CSMD1: variants seen among roughly 807,000 people sequenced by gnomAD.
CSMD1 encodes the protein CUB and sushi domain-containing protein 1.
In CSMD1, 213 loss-of-function variants were observed where a neutral mutation model predicts 417.5. The observed-to-expected ratio is 0.51, with a 90% CI of 0.46 to 0.57. The LOEUF is 0.57. Ranked by LOEUF, CSMD1 falls within the 20% of genes least tolerant of loss-of-function variation. CSMD1 has a pLI of 0.00. For missense variants in CSMD1, 6,923 were observed against 4,529.7 expected, an observed-to-expected ratio of 1.53 and a Z score of -15.17; for synonymous variants, 2,862 against 1,736.8, an observed-to-expected ratio of 1.65 and a Z score of -16.11.
intron 1 of CSMD1, among the ~76,000 whole-genome samples, chr8:4,740,637 A>G (rs1810542543): frequency 6.6e-6 from 1 of 152,208 alleles, no homozygotes; most frequent in South Asian, 2.1e-4. Flanking sequence ...ATCTACGAGG[A>G]GTATGTGCAG....
chr8:2,957,724 T>C lies in CSMD1; in HGVS notation c.9786A>G (p.Thr3262=), dbSNP rs1194067707. Residue 3262 remains threonine (T), a synonymous_variant, in exon 63 of 70, where the codon ACA becomes ACG. Coordinates refer to ENST00000635120, the MANE Select transcript of CSMD1 (RefSeq NM_033225.6). ...STTRTCLANL[T]WSGIQTECIP... is the part of the protein sequence containing the mutation. ...TACATTCGGTCTGTATCCCACTCCA[T>C]GTTAAATTGGCAAGGCAGGTGCGAG... The C allele has an allele frequency of 1.9e-6, 3 of 1,596,688 alleles. No individual in the cohort carries two copies. Among genetic ancestry groups the C allele is most frequent in the African/African-American group, 1.3e-5 (1 of 74,744 alleles).
intron 1 of CSMD1, among the ~76,000 whole-genome samples, chr8:4,888,736 C>A (rs78156138): frequency 3.3e-5 from 5 of 151,968 alleles, no homozygotes; most frequent in African/African-American, 1.2e-4. Flanking sequence ...CAGGCCAAGC[C>A]TGGGATATGT....
intron 38 of CSMD1, among the ~76,000 whole-genome samples, chr8:3,158,589 A>G (rs1189857131): frequency 1.3e-5 from 2 of 152,130 alleles, no homozygotes; most frequent in East Asian, 3.9e-4. Flanking sequence ...CTGTAAATAC[A>G]TGAATTTTCC....
chr8:3,944,706 C>T (rs574078363), intron 5 of CSMD1, among the ~76,000 whole-genome samples: 2 of 152,272 alleles, frequency 1.3e-5, no homozygotes, highest in South Asian at 2.1e-4. Context: ...TGCCTCAGGA[C>T]ATTTGTCTCT....
intron 4 of CSMD1, among the ~76,000 whole-genome samples, chr8:4,010,676 C>T (rs1296166239): frequency 6.6e-6 from 1 of 152,138 alleles, no homozygotes; most frequent in Non-Finnish European, 1.5e-5. Context: ...CTAGAGTTCC[C>T]TGACTCTGCC....
chr8:3,437,907 C>G (rs1238271928), intron 12 of CSMD1, among the ~76,000 whole-genome samples: 1 of 152,094 alleles, frequency 6.6e-6, no homozygotes, highest in Non-Finnish European at 1.5e-5. Context: ...GTCACCAGGC[C>G]TGGCTAATTC....
chr8:3,471,351 G>C (rs1269830994), intron 11 of CSMD1, among the ~76,000 whole-genome samples: 1 of 152,124 alleles, frequency 6.6e-6, no homozygotes, highest in Non-Finnish European at 1.5e-5. Flanking sequence ...ACAGATACCA[G>C]TCCTTGTCAG....
chr8:4,101,270 T>C (rs1353662246), intron 3 of CSMD1, among the ~76,000 whole-genome samples: 2 of 152,212 alleles, frequency 1.3e-5, no homozygotes, highest in East Asian at 3.9e-4. Flanking sequence ...TTGCAACACT[T>C]TGGTGTTCTT....
At chr8:2,938,809 T>A in intron 69 of CSMD1, 65 bp from the exon 70 acceptor site, 1 of 1,437,668 alleles carries the variant, frequency 7.0e-7, no homozygotes, top group South Asian at 1.3e-5. Context: ...CAGCTGGGAC[T>A]GTGTGCAGGA....
intron 12 of CSMD1, among the ~76,000 whole-genome samples, chr8:3,453,820 T>C (rs146520343): frequency 0.023 from 3,500 of 152,314 alleles, 239 homozygotes; most frequent in East Asian, 0.2. Context: ...TGTAGATGTC[T>C]ATTAGATCTG....
At chr8:4,591,328 C>T (rs1241546870) in intron 2 of CSMD1, among the ~76,000 whole-genome samples, 1 of 152,142 alleles carries the variant, frequency 6.6e-6, no homozygotes, top group Non-Finnish European at 1.5e-5. Context: ...TCTTTCTGGT[C>T]TAGGTCAGAC....
chr8:3,803,550 AG>A (rs1349296679), intron 5 of CSMD1, among the ~76,000 whole-genome samples: 1 of 152,184 alleles, frequency 6.6e-6, no homozygotes, highest in African/African-American at 2.4e-5. Context: ...GGTACGCAGG[AG>A]CCCACAGGTG....
chr8:4,256,018 A>C (rs1297425084), intron 3 of CSMD1, among the ~76,000 whole-genome samples: 1 of 152,200 alleles, frequency 6.6e-6, no homozygotes, highest in African/African-American at 2.4e-5. Context: ...TCATAAATAC[A>C]GCATGGAAAG....
At chr8:2,959,473 G>A (rs543753590) in intron 62 of CSMD1, among the ~76,000 whole-genome samples, 14 of 152,192 alleles carry the variant, frequency 9.2e-5, no homozygotes, top group Non-Finnish European at 2.1e-4. Context: ...CAGACCTCCT[G>A]GTAAACATGC....
intron 5 of CSMD1, among the ~76,000 whole-genome samples, chr8:3,974,943 C>A (rs1474319): frequency 0.2 from 29,862 of 151,968 alleles, 3,112 homozygotes; most frequent in Admixed American, 0.3. Flanking sequence ...TCGAACAAAT[C>A]AAAACTAACA....
At chr8:3,075,948 C>T (rs13281224) in intron 49 of CSMD1, among the ~76,000 whole-genome samples, 2 of 150,004 alleles carry the variant, frequency 1.3e-5, no homozygotes. Flanking sequence ...CTCCTAGGGA[C>T]GCTGAGGCAG....
chr8:3,497,733 T>C (rs1405123149), intron 10 of CSMD1, among the ~76,000 whole-genome samples: 1 of 152,236 alleles, frequency 6.6e-6, no homozygotes, highest in African/African-American at 2.4e-5. Context: ...TAGATATTGC[T>C]TTTTAAATTA....
At chr8:3,813,811 C>A (rs1460258918) in intron 5 of CSMD1, among the ~76,000 whole-genome samples, 3 of 151,866 alleles carry the variant, frequency 2.0e-5, no homozygotes, top group African/African-American at 4.9e-5. Context: ...TACTGAAAAA[C>A]TTAAAGTATG....
At chr8:4,586,411 C>A (rs1481697302) in intron 2 of CSMD1, among the ~76,000 whole-genome samples, 2 of 152,132 alleles carry the variant, frequency 1.3e-5, no homozygotes, top group Non-Finnish European at 2.9e-5. Flanking sequence ...CAGACCAAAC[C>A]TGTTACAGAC....
Sources: gnomAD v4.1 joint callset for allele counts (sites outside exome capture counted in the v4.1 genomes callset) on GRCh38, gnomAD v4.1.1 for gene constraint, MANE v1.5 for transcripts, NCBI Gene and HGNC (gene_info 2026-07-23, HGNC 2026-07-21) for gene names.